Variants in CALN1 observed in about 807,000 individuals in gnomAD.
CALN1 encodes calneuron 1, also known as calcium-binding protein 8.
CALN1 carries 17 observed loss-of-function variants against 30.6 expected under a neutral mutation model. The observed-to-expected ratio is 0.56, with a 90% CI of 0.38 to 0.83. The LOEUF (loss-of-function observed/expected upper bound fraction) is 0.83, where lower values mean the gene tolerates loss of function less well. Among genes scored for constraint, CALN1 ranks in the 40% least tolerant of loss-of-function variants. The pLI is 0.00. For missense variants in CALN1, 291 were observed against 354.9 expected (o/e 0.82, Z 1.45); for synonymous variants, 156 against 131.4 (o/e 1.19, Z -1.28).
intron 5 of CALN1, among the ~76,000 whole-genome samples, chr7:71,960,868 G>A (rs1340092313): frequency 1.3e-5 from 2 of 152,260 alleles, no homozygotes; most frequent in African/African-American, 4.8e-5. Context: ...CCCAGGTGGA[G>A]TGCAGTGGCT....
chr7:72,256,757 T>C (rs1795941513), intron 3 of CALN1, among the ~76,000 whole-genome samples: 1 of 152,092 alleles, frequency 6.6e-6, no homozygotes, highest in Admixed American at 6.5e-5. Flanking sequence ...CAGGCATGCA[T>C]GACCATGCCT....
intron 6 of CALN1, among the ~76,000 whole-genome samples, chr7:71,802,135 T>C (rs1249395807): frequency 6.6e-6 from 1 of 152,046 alleles, no homozygotes; most frequent in African/African-American, 2.4e-5. Context: ...ACAGTAAACA[T>C]CCTGGAAGCA....
At chr7:72,388,097 T>C (rs1019992206) in intron 2 of CALN1, among the ~76,000 whole-genome samples, 3 of 152,192 alleles carry the variant, frequency 2.0e-5, no homozygotes, top group Admixed American at 6.5e-5. Context: ...ACCAACCTAG[T>C]AGAAGAAAGG....
intron 2 of CALN1, among the ~76,000 whole-genome samples, chr7:72,357,123 C>G (rs1803280872): frequency 6.6e-6 from 1 of 151,956 alleles, no homozygotes; most frequent in African/African-American, 2.4e-5. Flanking sequence ...TTAGAGACAG[C>G]CTTAACCTTT....
At chr7:72,324,048 T>G (rs982114402) in intron 2 of CALN1, among the ~76,000 whole-genome samples, 4 of 152,076 alleles carry the variant, frequency 2.6e-5, no homozygotes, top group Non-Finnish European at 5.9e-5. Context: ...TTTTGTTTTT[T>G]TAAATGCAGT....
At chr7:71,879,390 A>T (rs1014835207) in intron 5 of CALN1, among the ~76,000 whole-genome samples, 5 of 152,122 alleles carry the variant, frequency 3.3e-5, no homozygotes, top group African/African-American at 1.2e-4. Flanking sequence ...CCTCCAAAAG[A>T]TTTTGTGCAA....
intron 3 of CALN1, among the ~76,000 whole-genome samples, chr7:72,234,905 C>CTA (rs1162197275): frequency 2.0e-5 from 3 of 152,130 alleles, no homozygotes; most frequent in African/African-American, 7.2e-5. Flanking sequence ...GCAAATGCTT[C>CTA]TAGTTGCTAT....
At chr7:71,830,577 A>AC (rs759350198) in intron 5 of CALN1, among the ~76,000 whole-genome samples, 5 of 151,954 alleles carry the variant, frequency 3.3e-5, no homozygotes, top group Admixed American at 6.6e-5. Flanking sequence ...TGAACTCCTG[A>AC]CCTCAAGTGA....
intron 1 of CALN1, among the ~76,000 whole-genome samples, chr7:72,441,738 T>C (rs1808352253): frequency 6.6e-6 from 1 of 152,114 alleles, no homozygotes; most frequent in Non-Finnish European, 1.5e-5. Flanking sequence ...AATCTCCTGG[T>C]TTGGGTTTCT....
chr7:72,014,085 CTTTT>C (rs71092941), intron 5 of CALN1, among the ~76,000 whole-genome samples: 2 of 123,398 alleles, frequency 1.6e-5, no homozygotes, highest in Admixed American at 8.5e-5. Flanking sequence ...TGAGTTGGCT[CTTTT>C]TTTTTTTTTT....
At chr7:72,370,764 C>T (rs945512776) in intron 2 of CALN1, among the ~76,000 whole-genome samples, 2 of 151,472 alleles carry the variant, frequency 1.3e-5, no homozygotes, top group Non-Finnish European at 2.9e-5. Flanking sequence ...AGAGAGAGCT[C>T]TTGGCTGGGC....
At chr7:72,150,304 C>G (rs1391722547) in intron 3 of CALN1, among the ~76,000 whole-genome samples, 1 of 152,098 alleles carries the variant, frequency 6.6e-6, no homozygotes, top group Admixed American at 6.5e-5. Flanking sequence ...TTATAAAATA[C>G]TTTGTATGTT....
At chr7:71,938,989 T>TTGAA (rs113675664) in intron 5 of CALN1, among the ~76,000 whole-genome samples, 3 of 152,074 alleles carry the variant, frequency 2.0e-5, no homozygotes, top group South Asian at 2.1e-4. Context: ...GATTGAATGA[T>TTGAA]TGAATGAATG....
intron 4 of CALN1, among the ~76,000 whole-genome samples, chr7:72,047,279 C>T (rs978634596): frequency 6.6e-6 from 1 of 152,142 alleles, no homozygotes; most frequent in Middle Eastern, 3.4e-3. Context: ...AATAGACATA[C>T]GAAGATGAAA....
intron 2 of CALN1, among the ~76,000 whole-genome samples, chr7:72,357,862 A>G (rs991332993): frequency 1.3e-4 from 19 of 148,278 alleles, no homozygotes; most frequent in South Asian, 2.1e-4. Context: ...ATTTATATAT[A>G]TGTGTGTTTT....
intron 5 of CALN1, among the ~76,000 whole-genome samples, chr7:72,017,252 G>A (rs1800449547): frequency 6.6e-6 from 1 of 151,704 alleles, no homozygotes; most frequent in Non-Finnish European, 1.5e-5. Context: ...AGCAAGAACT[G>A]GGATGGAGAG....
intron 3 of CALN1, among the ~76,000 whole-genome samples, chr7:72,106,692 G>A (rs1584954477): frequency 2.5e-5 from 1 of 40,576 alleles, no homozygotes; most frequent in African/African-American, 9.4e-5. Context: ...AAGAAAGCAA[G>A]GGAGGGAGGA....
chr7:72,360,905 T>G (rs1010719109), intron 2 of CALN1, among the ~76,000 whole-genome samples: 3 of 151,704 alleles, frequency 2.0e-5, no homozygotes, highest in Non-Finnish European at 4.4e-5. Flanking sequence ...ATTTCTGTTT[T>G]TATTAGAGAC....
chr7:72,332,878 T>G (rs1185435459), intron 2 of CALN1, among the ~76,000 whole-genome samples: 1 of 152,136 alleles, frequency 6.6e-6, no homozygotes, highest in Non-Finnish European at 1.5e-5. Flanking sequence ...GCTTCCTCCC[T>G]GGTATCCATG....
Sources: gnomAD v4.1 joint callset for allele counts (sites outside exome capture counted in the v4.1 genomes callset) on GRCh38, gnomAD v4.1.1 for gene constraint, MANE v1.5 for transcripts, NCBI Gene and HGNC (gene_info 2026-07-23, HGNC 2026-07-21) for gene names.